SIPA1L3: variants seen among roughly 807,000 people sequenced by gnomAD.
SIPA1L3 encodes the protein signal induced proliferation associated 1 like 3.
SIPA1L3 carries 59 observed loss-of-function variants against 150.1 expected under a neutral mutation model. The observed-to-expected ratio is 0.39, with a 90% confidence interval of 0.32 to 0.49. SIPA1L3 has a LOEUF of 0.49. Among genes scored for constraint, SIPA1L3 ranks in the 20% least tolerant of loss-of-function variants. The pLI, the probability that SIPA1L3 is intolerant of heterozygous loss-of-function variation, is 0.86. For missense variants in SIPA1L3, 2,211 were observed against 2,489.5 expected (o/e 0.89, Z 2.38); for synonymous variants, 1,070 against 1,077.6 (o/e 0.99, Z 0.14).
At chr19:37,917,954 G>A (rs1392073580) in intron 1 of SIPA1L3, among the ~76,000 whole-genome samples, 7 of 151,840 alleles carry the variant, frequency 4.6e-5, no homozygotes, top group Non-Finnish European at 1.0e-4. Context: ...GCAGTGAGCC[G>A]TGATTGTGCC....
rs1234878001 is a variant in SIPA1L3 at position 38,182,142 on chromosome 19, A to AAAAAAAAAG, written c.4209-370_4209-369insAGAAAAAAA. Among the ~76,000 whole-genome samples, 2 of 151,746 alleles carry AAAAAAAAAG rather than the reference A, an allele frequency of 1.3e-5. 1 individual carries two copies. The highest frequency in any genetic ancestry group is 2.9e-5 in the Non-Finnish European group (2 of 67,944). ...GGTGACTGAGACCCTGTCTCAAAAA[A>AAAAAAAAAG]AAAAAAAGAAAGGTTAGGAAGGAAA... On this transcript the variant is annotated intron_variant, in intron 15 of 21. Coordinates refer to ENST00000222345, the MANE Select transcript of SIPA1L3 (RefSeq NM_015073.3).
intron 12 of SIPA1L3, among the ~76,000 whole-genome samples, chr19:38,151,453 G>A (rs1292718821): frequency 6.6e-6 from 1 of 152,196 alleles, no homozygotes; most frequent in African/African-American, 2.4e-5. Context: ...GGACCTGGAA[G>A]TGTGTCCTGC....
At chr19:38,109,096 G>A (rs1323453880) in intron 7 of SIPA1L3, among the ~76,000 whole-genome samples, 4 of 152,182 alleles carry the variant, frequency 2.6e-5, no homozygotes, top group Admixed American at 6.5e-5. Flanking sequence ...CTCGGAGACT[G>A]ACCAGCAGGG....
intron 8 of SIPA1L3, among the ~76,000 whole-genome samples, chr19:38,118,254 C>T (rs2145892314): frequency 6.6e-6 from 1 of 152,190 alleles, no homozygotes; most frequent in African/African-American, 2.4e-5. Context: ...ATGTTTCTTT[C>T]TGGCTTACAA....
chr19:38,007,050 G>A (rs1967960005), intron 1 of SIPA1L3, among the ~76,000 whole-genome samples: 1 of 152,204 alleles, frequency 6.6e-6, no homozygotes, highest in Non-Finnish European at 1.5e-5. Context: ...GAACGCGATG[G>A]CTCCCGCCTA....
intron 9 of SIPA1L3, among the ~76,000 whole-genome samples, chr19:38,127,378 C>A (rs1971200771): frequency 6.6e-6 from 1 of 152,106 alleles, no homozygotes; most frequent in African/African-American, 2.4e-5. Context: ...CATAACATAG[C>A]CATCATACAT....
chr19:38,071,087 A>G (rs1039755504), intron 2 of SIPA1L3, among the ~76,000 whole-genome samples: 3 of 152,116 alleles, frequency 2.0e-5, no homozygotes, highest in African/African-American at 7.2e-5. Context: ...GGAAGGGCAC[A>G]CTCGGGCACC....
rs148416394 is a variant in SIPA1L3, at chr19:37,976,013, G to C, written c.-378-53076G>C. 2.2e-4 allele frequency among the ~76,000 whole-genome samples: 33 copies of C among 151,536 alleles called. 1 individual carries two copies. The highest frequency in any genetic ancestry group is 6.6e-4 in the African/African-American group (27 of 41,208). On this transcript the variant is annotated intron_variant, in intron 1 of 21. Transcript: ENST00000222345. ...TCAGCTACTTGGGAGGCTGAGGCAC[G>C]AGAATCACTCGAACCCAGGAGGTGG...
intron 2 of SIPA1L3, among the ~76,000 whole-genome samples, chr19:38,079,796 T>A (rs1056224458): frequency 6.6e-6 from 1 of 152,074 alleles, no homozygotes; most frequent in Non-Finnish European, 1.5e-5. Flanking sequence ...GCTCAAGTGA[T>A]CCACCCGCCT....
At chr19:38,128,140 T>A (rs987031224) in intron 9 of SIPA1L3, among the ~76,000 whole-genome samples, 3 of 145,132 alleles carry the variant, frequency 2.1e-5, no homozygotes, top group African/African-American at 7.6e-5. Context: ...CTGCAACCTC[T>A]GCCTCCTGTG....
chr19:37,973,254 T>C (rs1279592378), intron 1 of SIPA1L3, among the ~76,000 whole-genome samples: 8 of 132,476 alleles, frequency 6.0e-5, no homozygotes, highest in African/African-American at 2.1e-4. Context: ...TTTTTTTTTT[T>C]GAGATAGAGT....
intron 1 of SIPA1L3, among the ~76,000 whole-genome samples, chr19:37,961,092 C>T (rs1018867782): frequency 1.3e-5 from 2 of 151,834 alleles, no homozygotes; most frequent in Non-Finnish European, 2.9e-5. Flanking sequence ...TGATCTTGAA[C>T]TCCTGGCCTC....
intron 1 of SIPA1L3, among the ~76,000 whole-genome samples, chr19:37,983,004 C>T (rs1967239634): frequency 6.6e-6 from 1 of 152,216 alleles, no homozygotes; most frequent in African/African-American, 2.4e-5. Context: ...ACCCCGACAT[C>T]CCAGCCAGGC....
At chr19:37,922,309 A>G in intron 1 of SIPA1L3, among the ~76,000 whole-genome samples, 1 of 151,878 alleles carries the variant, frequency 6.6e-6, no homozygotes, top group East Asian at 1.9e-4. Context: ...GCTGGTCTTG[A>G]ACTCCTGATC....
rs1568510521 is a variant in SIPA1L3 at position 38,030,642 on chromosome 19, A to ATATG, written c.-311+1489_-311+1490insGTAT. ...GTGGCAAATATATATATATATATAT[A>ATATG]TATATATATGGCAAATACTTACCTG... On this transcript the variant is annotated intron_variant, in intron 2 of 21. Transcript: ENST00000222345. Among the ~76,000 whole-genome samples the ATATG allele has an allele frequency of 1.5e-3, 116 of 75,358 alleles. 7 individuals are homozygous for ATATG. Among genetic ancestry groups the ATATG allele is most frequent in the African/African-American group, 4.6e-3 (116 of 25,472 alleles). The allele number at this position is 75,358 out of a possible 152,430, so 49.4% of individuals were successfully genotyped here.
chr19:38,020,853 G>A (rs1299067167), intron 1 of SIPA1L3, among the ~76,000 whole-genome samples: 4 of 152,056 alleles, frequency 2.6e-5, no homozygotes, highest in African/African-American at 7.2e-5. Flanking sequence ...TGTCGCCCAG[G>A]CTGGAGTGCA....
chr19:38,138,585 CT>C (rs1971489239), intron 10 of SIPA1L3, among the ~76,000 whole-genome samples: 1 of 21,598 alleles, frequency 4.6e-5, no homozygotes, highest in African/African-American at 9.3e-4. Flanking sequence ...TTGCCTCCCC[CT>C]CCCACAGGGG....
chr19:38,097,820 A>G (rs1202885196), intron 4 of SIPA1L3, among the ~76,000 whole-genome samples: 1 of 152,198 alleles, frequency 6.6e-6, no homozygotes, highest in Non-Finnish European at 1.5e-5. Context: ...GGCCTCTCAA[A>G]GTGCTGGGAT....
chr19:38,076,693 A>C (rs1169988123), intron 2 of SIPA1L3, among the ~76,000 whole-genome samples: 1 of 152,210 alleles, frequency 6.6e-6, no homozygotes, highest in Non-Finnish European at 1.5e-5. Flanking sequence ...AAAAGTCATA[A>C]CATTACAAGA....
Sources: allele counts gnomAD v4.1 joint callset (sites outside exome capture counted in the v4.1 genomes callset), GRCh38; gene constraint gnomAD v4.1.1; transcripts MANE v1.5; gene names NCBI Gene and HGNC (gene_info 2026-07-23, HGNC 2026-07-21).